GRIK2: variants seen among roughly 807,000 people sequenced by gnomAD.
The protein encoded by GRIK2 is glutamate ionotropic receptor kainate type subunit 2.
Under a neutral mutation model 100.3 loss-of-function variants are expected in GRIK2, and 32 were observed. The ratio of observed to expected loss-of-function variants is 0.32; its 90% CI spans 0.24 to 0.43. The LOEUF (loss-of-function observed/expected upper bound fraction) is 0.43. GRIK2 is among the 20% of genes least tolerant of loss of function. GRIK2 has a pLI of 1.00. For missense variants in GRIK2, 843 were observed against 1,114.9 expected, an observed-to-expected ratio of 0.76 and a Z score of 3.47; for synonymous variants, 417 against 389.4, an observed-to-expected ratio of 1.07 and a Z score of -0.83.
At chr6:101,695,656 T>C (rs1421240354) in intron 7 of GRIK2, among the ~76,000 whole-genome samples, 1 of 152,082 alleles carries the variant, frequency 6.6e-6, no homozygotes, top group Non-Finnish European at 1.5e-5. Flanking sequence ...TATATGCAAA[T>C]GCTCTTTGAC....
chr6:102,040,849 T>A (rs1197478259), intron 15 of GRIK2, among the ~76,000 whole-genome samples: 1 of 151,682 alleles, frequency 6.6e-6, no homozygotes, highest in African/African-American at 2.4e-5. Context: ...TAGTTTAACA[T>A]AATGCACAAA....
chr6:101,495,083 G>A (rs755442040), intron 2 of GRIK2, among the ~76,000 whole-genome samples: 31 of 147,898 alleles, frequency 2.1e-4, no homozygotes, highest in Middle Eastern at 3.7e-3. Flanking sequence ...TATCAATTAT[G>A]TTCTCTATAG....
chr6:101,760,588 TTATA>T (rs1265710370), intron 7 of GRIK2, among the ~76,000 whole-genome samples: 1 of 89,674 alleles, frequency 1.1e-5, no homozygotes, highest in Non-Finnish European at 1.8e-5. Context: ...TTATATATAA[TTATA>T]TATAATTATA....
At chr6:101,512,170 A>G (rs1051535883) in intron 2 of GRIK2, among the ~76,000 whole-genome samples, 1 of 151,716 alleles carries the variant, frequency 6.6e-6, no homozygotes, top group Non-Finnish European at 1.5e-5. Flanking sequence ...TGCATTATAA[A>G]ATATGTAAGG....
intron 7 of GRIK2, among the ~76,000 whole-genome samples, chr6:101,736,077 T>C (rs1312858931): frequency 6.6e-6 from 1 of 152,158 alleles, no homozygotes; most frequent in Non-Finnish European, 1.5e-5. Flanking sequence ...GATCTTTTTT[T>C]ACTCCATGTC....
intron 7 of GRIK2, among the ~76,000 whole-genome samples, chr6:101,721,268 G>A (rs1054569815): frequency 3.9e-5 from 6 of 152,052 alleles, no homozygotes; most frequent in African/African-American, 7.2e-5. Context: ...CTATAAAAAT[G>A]TATTCAGCAA....
In GRIK2 at chr6:101,928,534, C is replaced by A; in HGVS notation, c.1987C>A (p.Arg663Ser). Residue 663 changes from arginine (R) to serine (S), a missense_variant, in exon 14 of 17, where the codon CGC becomes AGC. Around this residue, in one of 3 missense-constraint regions of GRIK2, gnomAD observed 237 missense variants for 388.0 expected, o/e 0.61. Transcript: ENST00000369134. ...CTTAGCCGCCTTTCTGACAGTGGAA[C>A]GCATGGAATCCCCTATTGACTCTGC... Reference protein sequence around the residue: ...ANLAAFLTVERMESPIDSADD... With the variant: ...ANLAAFLTVESMESPIDSADD... 1 of 1,602,064 alleles carries A rather than the reference C, an allele frequency of 6.2e-7. No individual in the cohort carries two copies. Among genetic ancestry groups the A allele is most frequent in the Non-Finnish European group, 8.6e-7 (1 of 1,169,058 alleles).
intron 10 of GRIK2, among the ~76,000 whole-genome samples, chr6:101,819,240 T>C (rs1352594701): frequency 1.3e-5 from 2 of 152,224 alleles, no homozygotes; most frequent in Non-Finnish European, 2.9e-5. Flanking sequence ...ACCATTCTTA[T>C]TAATCCTCAG....
At chr6:101,864,148 A>G (rs1784910806) in intron 11 of GRIK2, among the ~76,000 whole-genome samples, 1 of 151,496 alleles carries the variant, frequency 6.6e-6, no homozygotes, top group Non-Finnish European at 1.5e-5. Context: ...CGTCTCAAAA[A>G]AAAAAAAAAA....
chr6:102,012,848 T>C (rs13201334), intron 14 of GRIK2, among the ~76,000 whole-genome samples: 42,304 of 151,938 alleles, frequency 0.28, 6,334 homozygotes, highest in East Asian at 0.34. Context: ...CCTTGTAGTA[T>C]AGTTTGAAGT....
chr6:101,613,747 A>T (rs1323871838), intron 2 of GRIK2, among the ~76,000 whole-genome samples: 1 of 151,044 alleles, frequency 6.6e-6, no homozygotes. Context: ...CTGTGGACAC[A>T]CTAGGCTGTG....
At chr6:101,816,344 G>A (rs1337735928) in intron 9 of GRIK2, among the ~76,000 whole-genome samples, 1 of 152,138 alleles carries the variant, frequency 6.6e-6, no homozygotes, top group Non-Finnish European at 1.5e-5. Flanking sequence ...ACTATCTGCA[G>A]ATGTGTCTTG....
At chr6:101,647,810 A>G (rs1348752147) in intron 4 of GRIK2, among the ~76,000 whole-genome samples, 2 of 152,104 alleles carry the variant, frequency 1.3e-5, no homozygotes, top group Non-Finnish European at 2.9e-5. Context: ...ATGAACTAGT[A>G]TATTAATCAT....
intron 14 of GRIK2, among the ~76,000 whole-genome samples, chr6:101,946,749 G>A (rs1010461930): frequency 6.6e-6 from 1 of 152,102 alleles, no homozygotes; most frequent in African/African-American, 2.4e-5. Flanking sequence ...AAGGACTGGA[G>A]GGTGTTTAAA....
chr6:101,877,206 T>C (rs1409975280), intron 11 of GRIK2, among the ~76,000 whole-genome samples: 1 of 151,984 alleles, frequency 6.6e-6, no homozygotes, highest in Non-Finnish European at 1.5e-5. Context: ...AGAGTATATA[T>C]GCATATAGAT....
At chr6:101,791,625 C>T (rs1025547319) in intron 7 of GRIK2, among the ~76,000 whole-genome samples, 2 of 151,970 alleles carry the variant, frequency 1.3e-5, no homozygotes, top group East Asian at 1.9e-4. Context: ...GCTTTACTTC[C>T]CAGTATGTGG....
intron 12 of GRIK2, among the ~76,000 whole-genome samples, chr6:101,909,379 T>TTTTTTGG (rs1262456592): frequency 1.2e-5 from 1 of 81,984 alleles, no homozygotes; most frequent in Non-Finnish European, 3.0e-5. Flanking sequence ...GGGTTTTCTT[T>TTTTTTGG]TTCTTTTTTT....
chr6:101,852,894 C>T (rs1231151772), intron 10 of GRIK2, among the ~76,000 whole-genome samples: 2 of 152,200 alleles, frequency 1.3e-5, no homozygotes, highest in East Asian at 1.9e-4. Context: ...ATGATAACCT[C>T]TTGGGTGGAA....
chr6:101,434,601 G>A (rs1769610932), intron 2 of GRIK2, among the ~76,000 whole-genome samples: 1 of 152,040 alleles, frequency 6.6e-6, no homozygotes, highest in Non-Finnish European at 1.5e-5. Context: ...TTAACAGTTT[G>A]AATATTAACC....
Sources: gnomAD v4.1 joint callset for allele counts (sites outside exome capture counted in the v4.1 genomes callset) on GRCh38, gnomAD v4.1.1 for gene constraint, gnomAD v4.1.1 regional missense constraint, MANE v1.5 for transcripts, NCBI Gene and HGNC (gene_info 2026-07-23, HGNC 2026-07-21) for gene names.